PRDM16: variants seen among roughly 807,000 people sequenced by gnomAD.
The protein encoded by PRDM16 is PR/SET domain 16, also known as histone-lysine N-methyltransferase PRDM16.
In PRDM16, 23 loss-of-function variants were observed where a neutral mutation model predicts 110.6. That is an observed-to-expected ratio of 0.21 (90% CI 0.15 to 0.29). The LOEUF is 0.29. Ranked by LOEUF, PRDM16 falls within the 10% of genes least tolerant of loss-of-function variation. PRDM16 has a pLI of 1.00. For missense variants in PRDM16, 1,615 were observed against 1,794.3 expected (o/e 0.90, Z 1.81); for synonymous variants, 799 against 781.8 (o/e 1.02, Z -0.37).
At chr1:3,376,204 G>A (rs926688952) in intron 3 of PRDM16, among the ~76,000 whole-genome samples, 2 of 152,194 alleles carry the variant, frequency 1.3e-5, no homozygotes, top group African/African-American at 2.4e-5. Flanking sequence ...GGCATTTGGG[G>A]TGTCTCCGTG....
At chr1:3,130,296 G>A (rs1643306360) in intron 1 of PRDM16, among the ~76,000 whole-genome samples, 1 of 152,308 alleles carries the variant, frequency 6.6e-6, no homozygotes, top group African/African-American at 2.4e-5. Flanking sequence ...GGAGAAGCTG[G>A]GGGCTCCAGG....
chr1:3,302,855 C>T (rs1353279895), intron 3 of PRDM16, among the ~76,000 whole-genome samples: 3 of 152,142 alleles, frequency 2.0e-5, no homozygotes, highest in South Asian at 2.1e-4. Flanking sequence ...CCAGACAACC[C>T]GGGTCCTTCA....
chr1:3,098,486 C>T (rs1374149880), intron 1 of PRDM16, among the ~76,000 whole-genome samples: 1 of 152,212 alleles, frequency 6.6e-6, no homozygotes, highest in Non-Finnish European at 1.5e-5. Flanking sequence ...CCCAGACTCC[C>T]ATCCAGCTGG....
intron 3 of PRDM16, among the ~76,000 whole-genome samples, chr1:3,276,495 T>C (rs1413041462): frequency 6.6e-6 from 1 of 152,212 alleles, no homozygotes; most frequent in East Asian, 1.9e-4. Flanking sequence ...GTCAGCTGCA[T>C]GAAGACTGGC....
At position 3,438,108 on chromosome 1, in the gene PRDM16, A is replaced by AAGACCAT. The variant is rs1638956717; in HGVS notation, c.*4297_*4298insAGACCAT. 4.9e-6 allele frequency: 1 copy of AAGACCAT among 206,082 alleles called. No homozygotes were observed. Among genetic ancestry groups the AAGACCAT allele is most frequent in the Non-Finnish European group, 9.9e-6 (1 of 100,938 alleles). The allele number at this position is 206,082 out of a possible 1,614,324, so 12.8% of individuals were successfully genotyped here. A position where few individuals can be genotyped will look rare whatever the true frequency, so the allele number is the denominator to read the frequency against. The stretch of plus-strand genomic sequence containing the variant: ...AATGTAAATGTCTGGTTTTCATATA[A>AAGACCAT]TGTTTAAAAAGACCATTGAGAAGGA... On this transcript the variant is annotated 3_prime_UTR_variant, in exon 17 of 17. Transcript: ENST00000270722.
chr1:3,130,669 G>A (rs1557470424), intron 1 of PRDM16, among the ~76,000 whole-genome samples: 2 of 151,668 alleles, frequency 1.3e-5, no homozygotes. Context: ...GGGGACGTTT[G>A]TCTTCAGTTT....
At chr1:3,125,215 G>A (rs577481074) in intron 1 of PRDM16, among the ~76,000 whole-genome samples, 6 of 152,280 alleles carry the variant, frequency 3.9e-5, no homozygotes, top group African/African-American at 9.6e-5. Flanking sequence ...CAGCCAGCGC[G>A]CTTCCCGCAT....
intron 1 of PRDM16, among the ~76,000 whole-genome samples, chr1:3,119,276 G>A (rs1446690479): frequency 6.6e-6 from 1 of 152,248 alleles, no homozygotes; most frequent in African/African-American, 2.4e-5. Context: ...CCGGTGCCTC[G>A]GCCGGTGCCG....
At chr1:3,180,959 CTTACACACTCGGTCTTACACACGCAGT>C (rs1557507353) in intron 1 of PRDM16, among the ~76,000 whole-genome samples, 6 of 142,532 alleles carry the variant, frequency 4.2e-5, no homozygotes, top group African/African-American at 1.6e-4. Flanking sequence ...CACACGCAGT[CTTACACACTCGGTCTTACACACGCAGT>C]CTTACACACG....
chr1:3,085,484 G>A (rs893362717), intron 1 of PRDM16, among the ~76,000 whole-genome samples: 4 of 152,230 alleles, frequency 2.6e-5, no homozygotes, highest in Non-Finnish European at 2.9e-5. Flanking sequence ...CTGGCTGGTA[G>A]TGGACAAGGG....
chr1:3,204,361 A>T (rs1279602427), intron 2 of PRDM16, among the ~76,000 whole-genome samples: 1 of 152,140 alleles, frequency 6.6e-6, no homozygotes, highest in Non-Finnish European at 1.5e-5. Context: ...AGAAAAAAAA[A>T]TTGATTTGGA....
intron 3 of PRDM16, among the ~76,000 whole-genome samples, chr1:3,254,960 T>C (rs920925303): frequency 1.3e-5 from 2 of 152,124 alleles, no homozygotes; most frequent in Non-Finnish European, 2.9e-5. Context: ...AAAACAGAGA[T>C]ATAGATCGAT....
chr1:3,416,153 T>C (rs1351713149), intron 10 of PRDM16, among the ~76,000 whole-genome samples: 2 of 152,214 alleles, frequency 1.3e-5, no homozygotes, highest in African/African-American at 2.4e-5. Flanking sequence ...TTCGTTTCTT[T>C]CTGGGTATTT....
Position 3,243,951 on chromosome 1 carries a change from T to C in PRDM16, c.388-136T>C. On this transcript the variant is annotated intron_variant, in intron 2 of 16. Coordinates refer to ENST00000270722, the MANE Select transcript of PRDM16 (RefSeq NM_022114.4). The surrounding 1 kb of genome is among the most constrained non-coding windows in gnomAD (Gnocchi z 5.5). ...CCTGTGATCAATGGAACCCTTCATT[T>C]CCTGCTGTGGAGAAGCCACTGGGTC... 1.3e-6 allele frequency: 1 copy of C among 797,858 alleles called. No homozygotes were observed. The highest frequency in any genetic ancestry group is 2.5e-5 in the East Asian group (1 of 40,098). The allele number at this position is 797,858 out of a possible 1,614,324, so 49.4% of individuals were successfully genotyped here.
chr1:3,127,285 A>G (rs187199916), intron 1 of PRDM16, among the ~76,000 whole-genome samples: 243 of 152,316 alleles, frequency 1.6e-3, no homozygotes, highest in Non-Finnish European at 2.6e-3. Flanking sequence ...TAAAATGCAT[A>G]ACGGCGGTGC....
intron 1 of PRDM16, among the ~76,000 whole-genome samples, chr1:3,113,557 G>C (rs1642845493): frequency 1.3e-5 from 2 of 152,204 alleles, no homozygotes; most frequent in African/African-American, 2.4e-5. Context: ...CCAGCGGGAG[G>C]GGCCTGCGTC....
At chr1:3,248,350 G>A (rs1639842973) in intron 3 of PRDM16, among the ~76,000 whole-genome samples, 1 of 152,160 alleles carries the variant, frequency 6.6e-6, no homozygotes, top group South Asian at 2.1e-4. Flanking sequence ...GAAAAGGAAG[G>A]ACGTGTTAAT....
intron 1 of PRDM16, among the ~76,000 whole-genome samples, chr1:3,089,634 C>G (rs926245): frequency 6.6e-6 from 1 of 152,214 alleles, no homozygotes; most frequent in Non-Finnish European, 1.5e-5. Flanking sequence ...AGGGGCTCCC[C>G]GTGTGACTCG....
intron 3 of PRDM16, chr1:3,308,288 G>A (rs917708871): frequency 1.3e-5 from 2 of 152,252 alleles, no homozygotes; most frequent in Non-Finnish European, 2.9e-5. Context: ...CAGGCCGTGC[G>A]GGGGCGACCC....
Sources: allele counts gnomAD v4.1 joint callset (sites outside exome capture counted in the v4.1 genomes callset), GRCh38; gene constraint gnomAD v4.1.1; non-coding constraint Gnocchi (gnomAD v3.1); transcripts MANE v1.5; gene names NCBI Gene and HGNC (gene_info 2026-07-23, HGNC 2026-07-21).